Variants in ANO2 observed in about 807,000 individuals in gnomAD.
ANO2 encodes anoctamin-2.
Under a neutral mutation model 124.2 loss-of-function variants are expected in ANO2, and 101 were observed. The observed-to-expected ratio is 0.81, with a 90% CI of 0.69 to 0.96. The LOEUF is 0.96. Ranked by LOEUF, ANO2 falls within the 40% of genes least tolerant of loss-of-function variation. The pLI, the probability that ANO2 is intolerant of heterozygous loss-of-function variation, is 0.00. For missense variants in ANO2, 1,293 were observed against 1,274.5 expected, an observed-to-expected ratio of 1.01 and a Z score of -0.22; for synonymous variants, 486 against 482.5, an observed-to-expected ratio of 1.01 and a Z score of -0.09.
intron 15 of ANO2, among the ~76,000 whole-genome samples, chr12:5,645,078 T>C (rs982188211): frequency 6.6e-6 from 1 of 152,238 alleles, no homozygotes; most frequent in Non-Finnish European, 1.5e-5. Flanking sequence ...TCACTAGGAT[T>C]CTTCAATCTA....
intron 13 of ANO2, chr12:5,732,971 C>T: frequency 7.7e-6 from 11 of 1,420,006 alleles, no homozygotes; most frequent in Non-Finnish European, 1.1e-5. Context: ...GCAGTTTCAC[C>T]AGAGGCAGAG....
intron 14 of ANO2, among the ~76,000 whole-genome samples, chr12:5,715,217 G>C (rs1949976947): frequency 6.6e-6 from 1 of 152,090 alleles, no homozygotes; most frequent in East Asian, 1.9e-4. Context: ...AGTTACTGAA[G>C]GGGGTTTCAT....
At chr12:5,873,196 G>GCTCGCTCTCTCTCTCTCTCT (rs1393522452) in intron 3 of ANO2, among the ~76,000 whole-genome samples, 5 of 118,934 alleles carry the variant, frequency 4.2e-5, no homozygotes, top group Non-Finnish European at 8.7e-5. Flanking sequence ...GCCTAAAGCA[G>GCTCGCTCTCTCTCTCTCTCT]CTCTCTCTCT....
Position 5,925,514 on chromosome 12 carries a change from C to T in ANO2, c.23-2710G>A, listed in dbSNP as rs1303166906. 6.6e-6 allele frequency among the ~76,000 whole-genome samples: 1 copy of T among 152,184 alleles called. No individual in the cohort carries two copies. The highest frequency in any genetic ancestry group is 1.5e-5 in the Non-Finnish European group (1 of 68,032). On this transcript the variant is annotated intron_variant, in intron 1 of 24. Transcript: ENST00000682330. The surrounding 1 kb of genome is among the most constrained non-coding windows in gnomAD (Gnocchi z 4.6). Reference sequence around the variant, plus strand: ...CCAGGCAATAAAGACACAAGGGAGCCACCTTCAGACGTGAGAGGAAGGCCA... The same window carrying T: ...CCAGGCAATAAAGACACAAGGGAGCTACCTTCAGACGTGAGAGGAAGGCCA...
chr12:5,913,350 A>G (rs1941167474), intron 3 of ANO2, among the ~76,000 whole-genome samples: 1 of 152,206 alleles, frequency 6.6e-6, no homozygotes, highest in African/African-American at 2.4e-5. Context: ...GTCCCAAAAA[A>G]TGGTCACCCA....
At chr12:5,666,799 C>T (rs1017761691) in intron 14 of ANO2, among the ~76,000 whole-genome samples, 1 of 115,784 alleles carries the variant, frequency 8.6e-6, no homozygotes, top group African/African-American at 3.3e-5. Flanking sequence ...GGGAAGTGAT[C>T]TCCATAGAAT....
chr12:5,941,097 G>A (rs150367601), intron 1 of ANO2, among the ~76,000 whole-genome samples: 4 of 152,292 alleles, frequency 2.6e-5, no homozygotes, highest in African/African-American at 9.6e-5. Context: ...CAAGGGCTAG[G>A]GGGAGGGAGG....
At chr12:5,944,107 C>A (rs1258286167) in intron 1 of ANO2, among the ~76,000 whole-genome samples, 1 of 152,166 alleles carries the variant, frequency 6.6e-6, no homozygotes, top group Non-Finnish European at 1.5e-5. Context: ...GACGGGTGCA[C>A]GTTAAGACAC....
At chr12:5,797,549 A>G (rs77578024) in intron 10 of ANO2, among the ~76,000 whole-genome samples, 2,604 of 152,122 alleles carry the variant, frequency 0.017, 32 homozygotes, top group Non-Finnish European at 0.029. Context: ...TTCTCCAGGT[A>G]CTCGCCCACT....
At chr12:5,875,789 C>G (rs1184759515) in intron 3 of ANO2, among the ~76,000 whole-genome samples, 1 of 151,470 alleles carries the variant, frequency 6.6e-6, no homozygotes, top group Non-Finnish European at 1.5e-5. Flanking sequence ...AACGTGGCCA[C>G]TAGAAAAAGA....
In ANO2 at chr12:5,658,219, T is replaced by G. The variant is rs4930776; in HGVS notation, c.1546-10418A>C. Among the ~76,000 whole-genome samples, 89,107 of 151,900 alleles carry G rather than the reference T, an allele frequency of 0.59. 27,760 individuals are homozygous for G. Among genetic ancestry groups the G allele is most frequent in the East Asian group, 0.96 (4,924 of 5,146 alleles). ...TGTGACTTCAGGCATGTTACCAACT[T>G]CTCTATACCTCCACTTCCTCACCCA... is the stretch of plus-strand genomic sequence containing the variant. On this transcript the variant is annotated intron_variant, in intron 14 of 24. Coordinates refer to ENST00000682330, the MANE Select transcript of ANO2 (RefSeq NM_001364791.2). The surrounding 1 kb of genome is among the most constrained non-coding windows in gnomAD (Gnocchi z 4.3).
chr12:5,605,489 ATCTG>A (rs1201523880), intron 19 of ANO2, among the ~76,000 whole-genome samples: 9 of 152,148 alleles, frequency 5.9e-5, no homozygotes, highest in African/African-American at 9.7e-5. Flanking sequence ...GGCAGTATTG[ATCTG>A]TCTATCTGCT....
chr12:5,910,037 T>C (rs1333680379), intron 3 of ANO2, among the ~76,000 whole-genome samples: 1 of 152,214 alleles, frequency 6.6e-6, no homozygotes, highest in Non-Finnish European at 1.5e-5. Context: ...GATATAGTAA[T>C]AGACTTCCTT....
chr12:5,896,423 G>T (rs1461596899), intron 3 of ANO2, among the ~76,000 whole-genome samples: 1 of 152,066 alleles, frequency 6.6e-6, no homozygotes, highest in South Asian at 2.1e-4. Flanking sequence ...CTACACAAAA[G>T]AACTTTAAAT....
chr12:5,872,481 C>A (rs1484082713), intron 3 of ANO2, among the ~76,000 whole-genome samples: 1 of 152,164 alleles, frequency 6.6e-6, no homozygotes, highest in African/African-American at 2.4e-5. Flanking sequence ...AAGGCTTCAC[C>A]TCAAATCAGT....
chr12:5,708,130 C>T (rs570763010), intron 14 of ANO2, among the ~76,000 whole-genome samples: 27 of 152,308 alleles, frequency 1.8e-4, no homozygotes, highest in Admixed American at 1.0e-3. Context: ...TAGACACCTA[C>T]ACGTGGTTCT....
intron 7 of ANO2, among the ~76,000 whole-genome samples, chr12:5,810,354 C>T (rs570989476): frequency 6.6e-5 from 10 of 152,316 alleles, no homozygotes; most frequent in Admixed American, 5.9e-4. Context: ...GCATGGAAAT[C>T]AGTTTAAAAC....
intron 14 of ANO2, among the ~76,000 whole-genome samples, chr12:5,698,735 G>A (rs1949289120): frequency 6.6e-6 from 1 of 152,174 alleles, no homozygotes; most frequent in Non-Finnish European, 1.5e-5. Context: ...AATAACCAGT[G>A]TAGAGAAGTC....
intron 23 of ANO2, among the ~76,000 whole-genome samples, chr12:5,574,358 C>T (rs368152582): frequency 4.6e-5 from 7 of 152,222 alleles, no homozygotes; most frequent in East Asian, 3.9e-4. Context: ...CTAAGTTGGA[C>T]GTCTCCAGAA....
Sources: allele counts gnomAD v4.1 joint callset (sites outside exome capture counted in the v4.1 genomes callset), GRCh38; gene constraint gnomAD v4.1.1; non-coding constraint Gnocchi (gnomAD v3.1); transcripts MANE v1.5; gene names NCBI Gene and HGNC (gene_info 2026-07-23, HGNC 2026-07-21).